DNAJC15: variants seen among roughly 807,000 people sequenced by gnomAD.
The protein encoded by DNAJC15 is DnaJ heat shock protein family (Hsp40) member C15.
Under a neutral mutation model 22.4 loss-of-function variants are expected in DNAJC15, and 27 were observed. The observed-to-expected ratio is 1.20, with a 90% CI of 0.89 to 1.66. The LOEUF is 1.66. DNAJC15 is among the 40% of genes most tolerant of loss of function. DNAJC15 has a pLI of 0.00. For synonymous variants in DNAJC15, 79 were observed against 63.2 expected (o/e 1.25, Z -1.19); for missense variants, 208 against 187.1 (o/e 1.11, Z -0.65).
At chr13:43,091,342 C>T (rs1239887479) in intron 5 of DNAJC15, among the ~76,000 whole-genome samples, 1 of 152,220 alleles carries the variant, frequency 6.6e-6, no homozygotes, top group Admixed American at 6.5e-5. Flanking sequence ...CCTGCCTTGG[C>T]CTCCCAAAGT....
intron 3 of DNAJC15, 56 bp from the exon 4 acceptor site, chr13:43,078,556 G>A (rs1262004407): frequency 1.4e-6 from 2 of 1,472,326 alleles, no homozygotes; most frequent in Non-Finnish European, 1.9e-6. Flanking sequence ...TGAGATTGAG[G>A]TCATGCCACC....
chr13:43,063,386 C>T (rs1260280053), intron 1 of DNAJC15, among the ~76,000 whole-genome samples: 1 of 152,170 alleles, frequency 6.6e-6, no homozygotes, highest in East Asian at 1.9e-4. Flanking sequence ...AAATCTTTTA[C>T]GTGTATTCTT....
At chr13:43,078,435 T>C (rs1260733544) in intron 3 of DNAJC15, among the ~76,000 whole-genome samples, 177 bp from the exon 4 acceptor site, 3 of 152,216 alleles carry the variant, frequency 2.0e-5, no homozygotes, top group African/African-American at 7.2e-5. Flanking sequence ...TTTTTAAGAC[T>C]TCATATTGGT....
intron 1 of DNAJC15, among the ~76,000 whole-genome samples, chr13:43,040,201 T>A (rs1255001809): frequency 6.6e-6 from 1 of 152,182 alleles, no homozygotes; most frequent in Non-Finnish European, 1.5e-5. Context: ...AGAAGTTGCA[T>A]TACTAGACTT....
At chr13:43,026,530 A>C (rs1185062020) in intron 1 of DNAJC15, among the ~76,000 whole-genome samples, 12 of 152,222 alleles carry the variant, frequency 7.9e-5, no homozygotes, top group Non-Finnish European at 4.4e-5. Flanking sequence ...ATGAGGCAGA[A>C]GATTGTTGAT....
chr13:43,025,062 A>G (rs1247724100), intron 1 of DNAJC15, among the ~76,000 whole-genome samples: 1 of 151,998 alleles, frequency 6.6e-6, no homozygotes, highest in Non-Finnish European at 1.5e-5. Context: ...CCTGTCTCCA[A>G]CAAAGAAAAA....
intron 1 of DNAJC15, among the ~76,000 whole-genome samples, chr13:43,024,836 A>C (rs908259655): frequency 6.8e-6 from 1 of 146,434 alleles, no homozygotes; most frequent in Non-Finnish European, 1.5e-5. Flanking sequence ...CAGGAGGATC[A>C]CTTGAGGCCA....
At position 43,110,185 on chromosome 13, in the gene DNAJC15, TC is replaced by T. The variant is rs2040817934; in HGVS notation, c.*2939del. ...CTGGTTGTTGGCTGAGAGCCTCAGT[TC>T]CTTTCTGCACAGGTTCCTCTTTACA... is the stretch of plus-strand genomic sequence containing the variant. On this transcript the variant is annotated 3_prime_UTR_variant, in exon 6 of 6. Coordinates refer to ENST00000379221, the MANE Select transcript of DNAJC15 (RefSeq NM_013238.3). The T allele has an allele frequency of 6.6e-6, 1 of 152,344 alleles. No individual in the cohort carries two copies. Among genetic ancestry groups the T allele is most frequent in the East Asian group, 1.9e-4 (1 of 5,182 alleles). The allele number at this position is 152,344 out of a possible 1,614,324, so 9.4% of individuals were successfully genotyped here.
chr13:43,093,312 T>G (rs1460802132), intron 5 of DNAJC15, among the ~76,000 whole-genome samples: 1 of 152,218 alleles, frequency 6.6e-6, no homozygotes, highest in Admixed American at 6.5e-5. Context: ...TTTTCAAACT[T>G]TTTTGTCTCA....
chr13:43,087,438 AT>A (rs1385560150), intron 5 of DNAJC15, among the ~76,000 whole-genome samples: 3 of 152,224 alleles, frequency 2.0e-5, no homozygotes, highest in Non-Finnish European at 4.4e-5. Context: ...GAGAAGGAAG[AT>A]TGTTTTGTTT....
intron 1 of DNAJC15, among the ~76,000 whole-genome samples, chr13:43,039,857 A>G (rs1381331380): frequency 6.6e-6 from 1 of 152,138 alleles, no homozygotes; most frequent in Non-Finnish European, 1.5e-5. Flanking sequence ...CATCTCTACT[A>G]AAAATACAAA....
intron 3 of DNAJC15, among the ~76,000 whole-genome samples, chr13:43,072,249 A>G (rs1200489640): frequency 6.6e-6 from 1 of 152,132 alleles, no homozygotes; most frequent in African/African-American, 2.4e-5. Context: ...CTGGAATTTC[A>G]CAAGAATTCT....
chr13:43,024,635 C>A (rs1428306260), intron 1 of DNAJC15, among the ~76,000 whole-genome samples: 1 of 151,968 alleles, frequency 6.6e-6, no homozygotes, highest in African/African-American at 2.4e-5. Context: ...TGAGCCACCG[C>A]GTCCGGCATA....
chr13:43,099,258 CTTAT>C (rs1467801749), intron 5 of DNAJC15, among the ~76,000 whole-genome samples: 3 of 152,126 alleles, frequency 2.0e-5, no homozygotes, highest in African/African-American at 7.2e-5. Context: ...CCTTGCTGAA[CTTAT>C]TTATTAGGTC....
chr13:43,069,975 T>G (rs144883969), intron 3 of DNAJC15, among the ~76,000 whole-genome samples: 1 of 152,218 alleles, frequency 6.6e-6, no homozygotes. Flanking sequence ...ATTTATAATT[T>G]ATTGGAGGAC....
intron 4 of DNAJC15, among the ~76,000 whole-genome samples, chr13:43,085,292 T>C (rs185050844): frequency 7.8e-6 from 1 of 127,974 alleles, no homozygotes; most frequent in African/African-American, 3.1e-5. Flanking sequence ...ACCTGGGAGG[T>C]GGAGGTTGCA....
chr13:43,062,294 A>T (rs1450770658), intron 1 of DNAJC15, among the ~76,000 whole-genome samples: 2 of 152,210 alleles, frequency 1.3e-5, no homozygotes, highest in Non-Finnish European at 2.9e-5. Context: ...GAAACAAGGC[A>T]GGTAAGAAAT....
rs2040595865 is a variant in DNAJC15 at position 43,068,938 on chromosome 13, G to A, written c.169G>A (p.Ala57Thr). 6 of 1,611,942 alleles carry A rather than the reference G, an allele frequency of 3.7e-6. No homozygotes were observed. In the African/African-American group the frequency reaches 4.0e-5, roughly 11 times the overall value. Residue 57 changes from alanine to threonine, a missense_variant, in exon 3 of 6, where the codon GCA becomes ACA. Physicochemically the swap from Ala to Thr is moderately conservative, Grantham distance 58 (BLOSUM62 0). Coordinates refer to ENST00000379221, the MANE Select transcript of DNAJC15 (RefSeq NM_013238.3). ...TTCCCTTTACTATTTAGGTCGCTAC[G>A]CATTTCGGATCTGGAAACCTCTAGA... The part of the protein sequence containing the change: ...VAALAFAGRY[A>T]FRIWKPLEQV...
intron 1 of DNAJC15, among the ~76,000 whole-genome samples, chr13:43,024,350 T>TG (rs1429071985): frequency 7.0e-6 from 1 of 142,044 alleles, no homozygotes; most frequent in East Asian, 2.0e-4. Context: ...TTTTTTTTTT[T>TG]TTTTTTTTTT....
Sources: gnomAD v4.1 joint callset for allele counts (sites outside exome capture counted in the v4.1 genomes callset) on GRCh38, gnomAD v4.1.1 for gene constraint, MANE v1.5 for transcripts, NCBI Gene and HGNC (gene_info 2026-07-23, HGNC 2026-07-21) for gene names.